The following PTPRF variants were observed in gnomAD, a reference collection of about 807,000 sequenced individuals.
PTPRF encodes protein tyrosine phosphatase receptor type F.
Under a neutral mutation model 201.8 loss-of-function variants are expected in PTPRF, and 59 were observed. The observed-to-expected ratio is 0.29, with a 90% CI of 0.24 to 0.36. The LOEUF (loss-of-function observed/expected upper bound fraction) is 0.36, where lower values mean the gene tolerates loss of function less well. Ranked by LOEUF, PTPRF falls within the 10% of genes least tolerant of loss-of-function variation. The pLI, the probability that PTPRF is intolerant of heterozygous loss-of-function variation, is 1.00. For synonymous variants in PTPRF, 1,088 were observed against 1,089.7 expected (o/e 1.00, Z 0.03); for missense variants, 2,132 against 2,690.5 (o/e 0.79, Z 4.59).
rs1318858989 is a variant in PTPRF at position 43,597,755 on chromosome 1, C to T, written c.1821C>T (p.Ser607=). Residue 607 remains serine, a synonymous_variant, in exon 12 of 34, where the codon TCC becomes TCT. Coordinates refer to ENST00000359947, the MANE Select transcript of PTPRF (RefSeq NM_002840.5). ...CCCATTTGTCTTCCCCAGCCCCCTC[C>T]GCCCCTCCCCAGAAGGTGATGTGTG... ...IEARTAQSTP[S]APPQKVMCVS... is the part of the protein sequence containing the mutation. The T allele has an allele frequency of 5.7e-6, 9 of 1,582,750 alleles. No homozygotes were observed. The highest frequency in any genetic ancestry group is 2.7e-5 in the African/African-American group (2 of 74,530).
chr1:43,551,308 C>G (rs553647948), intron 3 of PTPRF, among the ~76,000 whole-genome samples: 126 of 151,932 alleles, frequency 8.3e-4, no homozygotes, highest in African/African-American at 2.9e-3. Context: ...CAGGAGACAC[C>G]CCCAGTGGAG....
chr1:43,531,559 C>T (rs1643520541), intron 1 of PTPRF, among the ~76,000 whole-genome samples: 1 of 149,108 alleles, frequency 6.7e-6, no homozygotes, highest in Non-Finnish European at 1.5e-5. Context: ...GCCCCCGCCG[C>T]ACAGGCGCCC....
intron 9 of PTPRF, 82 bp downstream of exon 9, chr1:43,591,635 G>A (rs569704558): frequency 2.5e-5 from 36 of 1,450,340 alleles, no homozygotes; most frequent in Non-Finnish European, 2.9e-5. Flanking sequence ...CCCCTCCCTC[G>A]GCTGTGAGGC....
At chr1:43,579,443 G>A (rs1374751743) in intron 7 of PTPRF, 6 of 350,832 alleles carry the variant, frequency 1.7e-5, no homozygotes, top group Non-Finnish European at 3.4e-5. Context: ...TCTTCCTGGA[G>A]CCTTCCTGGA....
chr1:43,553,613 G>GA lies in PTPRF; in HGVS notation c.216dup (p.Val73SerfsTer10), dbSNP rs1645165388. On this transcript the variant is annotated frameshift_variant, in exon 4 of 34. Coordinates refer to ENST00000359947, the MANE Select transcript of PTPRF (RefSeq NM_002840.5). LOFTEE classifies it high-confidence loss of function. This position sits in a 1 kb window ranked among gnomAD's most constrained non-coding sequence, Gnocchi z 4.1. ...GCATCACATGGATGAAGAAGGGGAA[G>GA]AAAGTCAGCTCCCAGCGCTTCGAGG... 1 of 1,614,180 alleles carries GA rather than the reference G, an allele frequency of 6.2e-7. No homozygotes were observed. Among genetic ancestry groups the GA allele is most frequent in the Non-Finnish European group, 8.5e-7 (1 of 1,180,040 alleles).
At chr1:43,600,911 A>G (rs554064587) in intron 13 of PTPRF, among the ~76,000 whole-genome samples, 2 of 152,130 alleles carry the variant, frequency 1.3e-5, no homozygotes, top group East Asian at 1.9e-4. Flanking sequence ...AGCGCAGGAC[A>G]GGGTCCATGT....
intron 5 of PTPRF, among the ~76,000 whole-genome samples, chr1:43,559,849 GGGTGTGCAGCAGGT>G (rs578228752): frequency 0.012 from 1,816 of 150,270 alleles, 26 homozygotes; most frequent in Admixed American, 0.029. Context: ...GTAGTTTGTG[GGGTGTGCAGCAGGT>G]GGTGTGTAGC....
chr1:43,555,769 G>T (rs964071214), intron 5 of PTPRF, among the ~76,000 whole-genome samples: 9 of 152,244 alleles, frequency 5.9e-5, no homozygotes, highest in Admixed American at 5.2e-4. Flanking sequence ...AATGGCTATG[G>T]GTAAGCTGTC....
At chr1:43,541,862 C>T (rs754463487) in intron 2 of PTPRF, among the ~76,000 whole-genome samples, 67 of 152,246 alleles carry the variant, frequency 4.4e-4, no homozygotes, top group African/African-American at 1.4e-3. Context: ...CTTGGCAGAA[C>T]GGATGGTCCA....
intron 7 of PTPRF, among the ~76,000 whole-genome samples, chr1:43,587,664 G>A (rs558833437): frequency 2.5e-4 from 38 of 152,298 alleles, no homozygotes; most frequent in Non-Finnish European, 3.7e-4. Flanking sequence ...TCTCAGCAGT[G>A]CTCTTGGGTA....
Position 43,620,188 on chromosome 1 carries a change from C to G in PTPRF, c.5205C>G (p.Ile1735Met). Residue 1735 changes from isoleucine to methionine, a missense_variant, in exon 30 of 34, where the codon ATC (isoleucine) becomes ATG (methionine). Transcript: ENST00000359947. The part of the protein sequence containing the change: ...RMLWEHNSTI[I>M]VMLTKLREMG... Reference sequence around the variant, plus strand: ...TATGGGAGCACAATTCCACCATCATCGTCATGCTGACCAAGCTTCGGGAGA... The same window carrying G: ...TATGGGAGCACAATTCCACCATCATGGTCATGCTGACCAAGCTTCGGGAGA... The G allele has an allele frequency of 6.2e-7, 1 of 1,614,082 alleles. No homozygotes were observed. The highest frequency in any genetic ancestry group is 8.5e-7 in the Non-Finnish European group (1 of 1,179,970).
rs1242868942 is a variant in PTPRF, at chr1:43,605,429, C to T, written c.3375C>T (p.Asp1125=). ...ATCTCTCCATGCCCCATGTGCAAGA[C>T]CCCTCGCTTGTCAGGTGTGCACACG... ...RFDLSMPHVQ[D]PSLVRWFYIV... is the part of the protein sequence containing the mutation. Residue 1125 remains aspartate, a synonymous_variant, in exon 18 of 34, where the codon GAC becomes GAT. Coordinates refer to ENST00000359947, the MANE Select transcript of PTPRF (RefSeq NM_002840.5). The T allele has an allele frequency of 2.5e-6, 4 of 1,609,670 alleles. No homozygotes were observed. The highest frequency in any genetic ancestry group is 2.2e-5 in the South Asian group (2 of 90,920).
At chr1:43,549,197 C>T (rs1644869234) in intron 3 of PTPRF, among the ~76,000 whole-genome samples, 1 of 152,190 alleles carries the variant, frequency 6.6e-6, no homozygotes, top group African/African-American at 2.4e-5. Flanking sequence ...GCTCTGGTGG[C>T]ACCCTGTTGA....
At chr1:43,568,121 C>T (rs1183950358) in intron 5 of PTPRF, among the ~76,000 whole-genome samples, 1 of 151,978 alleles carries the variant, frequency 6.6e-6, no homozygotes, top group African/African-American at 2.4e-5. Context: ...CATGGTGAAA[C>T]CCCGTCTCTA....
intron 23 of PTPRF, among the ~76,000 whole-genome samples, chr1:43,614,617 G>A (rs1041265478): frequency 1.1e-4 from 17 of 152,170 alleles, no homozygotes; most frequent in African/African-American, 3.1e-4. Flanking sequence ...TTGGGAGGCC[G>A]AGGCGGGTGG....
chr1:43,621,816 G>A, intron 33 of PTPRF, 119 bp from the exon 34 acceptor site: 6 of 947,672 alleles, frequency 6.3e-6, no homozygotes, highest in South Asian at 1.5e-5. Flanking sequence ...TAGCTGCCAG[G>A]GTCCAGCACC....
chr1:43,575,584 C>T lies in PTPRF; in HGVS notation c.569-3226C>T, dbSNP rs942596367. On this transcript the variant is annotated intron_variant, in intron 6 of 33. Transcript: ENST00000359947. ...TGGGGTTACTACCTCTTTTCTTCACCTTCCCCCTCCATTGGCCCCAGCCAG... is the reference window on the plus strand; with the variant it reads ...TGGGGTTACTACCTCTTTTCTTCACTTTCCCCCTCCATTGGCCCCAGCCAG... Among the ~76,000 whole-genome samples the T allele has an allele frequency of 2.6e-5, 4 of 152,188 alleles. No homozygotes were observed. In the South Asian group the frequency reaches 6.2e-4, roughly 24 times the overall value.
intron 5 of PTPRF, among the ~76,000 whole-genome samples, chr1:43,563,493 G>A (rs1369988502): frequency 6.6e-6 from 1 of 152,210 alleles, no homozygotes; most frequent in Non-Finnish European, 1.5e-5. Flanking sequence ...CAGGAGGCCA[G>A]AGCCAGGACA....
rs1651065820 is a variant in PTPRF, at chr1:43,592,481, T to A, written c.1693T>A (p.Ser565Thr). 6.2e-7 allele frequency: 1 copy of A among 1,611,078 alleles called. No individual in the cohort carries two copies. The highest frequency in any genetic ancestry group is 8.5e-7 in the Non-Finnish European group (1 of 1,178,864). The change falls in exon 11 of 34, where the codon TCC becomes ACC. Residue 565 changes from serine (S) to threonine (T), a missense_variant. Ser to Thr is a moderately conservative substitution (Grantham distance 58, BLOSUM62 1). Around this residue, in one of 6 missense-constraint regions of PTPRF, gnomAD observed 351 missense variants for 401.7 expected, o/e 0.87. Transcript: ENST00000359947. Reference sequence around the variant, plus strand: ...GCACAAGGTGACCTTCGACCCAACCTCCTCCTACACACTAGAGGACCTGAA... The same window carrying A: ...GCACAAGGTGACCTTCGACCCAACCACCTCCTACACACTAGAGGACCTGAA... ...QQHKVTFDPT[S>T]SYTLEDLKPD...
Sources: gnomAD v4.1 joint callset for allele counts (sites outside exome capture counted in the v4.1 genomes callset) on GRCh38, gnomAD v4.1.1 for gene constraint, gnomAD v4.1.1 regional missense constraint, Gnocchi (gnomAD v3.1) non-coding constraint, MANE v1.5 for transcripts, NCBI Gene and HGNC (gene_info 2026-07-23, HGNC 2026-07-21) for gene names.